The following DLGAP1 variants were observed in gnomAD, a reference collection of about 807,000 sequenced individuals.
The protein encoded by DLGAP1 is disks large-associated protein 1.
In DLGAP1, 11 loss-of-function variants were observed where a neutral mutation model predicts 90.8. The ratio of observed to expected loss-of-function variants is 0.12; its 90% CI spans 0.08 to 0.20. The LOEUF (loss-of-function observed/expected upper bound fraction) is 0.20. DLGAP1 is among the 10% of genes least tolerant of loss of function. The pLI, the probability that DLGAP1 is intolerant of heterozygous loss-of-function variation, is 1.00. For missense variants in DLGAP1, 1,050 were observed against 1,333.8 expected (o/e 0.79, Z 3.31); for synonymous variants, 558 against 540.7 (o/e 1.03, Z -0.44).
At chr18:4,184,936 A>T (rs1377622550) in intron 1 of DLGAP1, among the ~76,000 whole-genome samples, 3 of 151,600 alleles carry the variant, frequency 2.0e-5, no homozygotes, top group Non-Finnish European at 4.4e-5. Flanking sequence ...CTACTCCCTG[A>T]CTCCTTTGAT....
At chr18:3,689,717 C>T (rs2060827031) in intron 7 of DLGAP1, among the ~76,000 whole-genome samples, 1 of 151,934 alleles carries the variant, frequency 6.6e-6, no homozygotes, top group Non-Finnish European at 1.5e-5. Flanking sequence ...AAGTATCTCC[C>T]AAATTGTATG....
intron 7 of DLGAP1, among the ~76,000 whole-genome samples, chr18:3,685,701 G>A (rs1049412083): frequency 1.3e-5 from 2 of 151,780 alleles, no homozygotes; most frequent in Non-Finnish European, 2.9e-5. Flanking sequence ...TCCTGCATTG[G>A]CTCCCCAAAG....
chr18:3,607,691 C>CT (rs1171983023), intron 7 of DLGAP1: 3 of 152,188 alleles, frequency 2.0e-5, no homozygotes, highest in Admixed American at 6.5e-5. Flanking sequence ...ACATACCATC[C>CT]TTTTGCATGC....
At chr18:4,109,339 G>T (rs149416822) in intron 2 of DLGAP1, among the ~76,000 whole-genome samples, 1 of 152,000 alleles carries the variant, frequency 6.6e-6, no homozygotes. Context: ...ACATAATTAA[G>T]GGAGTGATAT....
chr18:3,800,833 A>G (rs1308126916), intron 5 of DLGAP1, among the ~76,000 whole-genome samples: 1 of 152,206 alleles, frequency 6.6e-6, no homozygotes, highest in African/African-American at 2.4e-5. Context: ...AGCAAGACAA[A>G]ATAATAGCAG....
chr18:4,328,247 G>A (rs1016092003), intron 1 of DLGAP1, among the ~76,000 whole-genome samples: 3 of 151,818 alleles, frequency 2.0e-5, no homozygotes, highest in African/African-American at 7.3e-5. Context: ...TTTAAGCTGT[G>A]TTTTGTCAGT....
intron 5 of DLGAP1, among the ~76,000 whole-genome samples, chr18:3,772,567 T>C (rs2064732343): frequency 6.6e-6 from 1 of 150,950 alleles, no homozygotes; most frequent in Non-Finnish European, 1.5e-5. Flanking sequence ...CGTCTTTTAA[T>C]ATATTTAGGA....
intron 1 of DLGAP1, among the ~76,000 whole-genome samples, chr18:4,397,367 T>C (rs1465135262): frequency 6.6e-6 from 1 of 152,200 alleles, no homozygotes; most frequent in Non-Finnish European, 1.5e-5. Context: ...AATAGATCAT[T>C]TTAAATTAGT....
intron 3 of DLGAP1, among the ~76,000 whole-genome samples, chr18:3,995,002 T>G (rs908927924): frequency 3.9e-5 from 6 of 152,218 alleles, no homozygotes; most frequent in Non-Finnish European, 8.8e-5. Flanking sequence ...CATCATACAT[T>G]AAGTATCTAT....
chr18:3,567,537 T>C lies in DLGAP1; in HGVS notation c.2010A>G (p.Ala670=), dbSNP rs745731417. The part of the protein sequence containing the change: ...EEPDKTGENK[A]PSKFQSVGVQ... ...CTCCCACGGACTGGAACTTACTGGG[T>C]GCTTTATTCTCCCCTGTTTTGTCAG... is the stretch of plus-strand genomic sequence containing the variant. The change falls in exon 9 of 13, where the codon GCA becomes GCG. Residue 670 remains alanine (A), a synonymous_variant. Transcript: ENST00000315677. 8.1e-6 allele frequency: 13 copies of C among 1,613,952 alleles called. No homozygotes were observed. Among genetic ancestry groups the C allele is most frequent in the South Asian group, 1.1e-5 (1 of 91,086 alleles).
chr18:3,894,845 T>C (rs929432779), intron 3 of DLGAP1: 1 of 152,232 alleles, frequency 6.6e-6, no homozygotes, highest in African/African-American at 2.4e-5. Flanking sequence ...CTACCTCTGA[T>C]ATGATCTTTG....
chr18:4,160,024 T>C (rs2076818892), intron 1 of DLGAP1, among the ~76,000 whole-genome samples: 2 of 152,244 alleles, frequency 1.3e-5, no homozygotes, highest in Admixed American at 6.5e-5. Flanking sequence ...AGAAAGTGCG[T>C]AATGACTCAT....
chr18:3,638,398 C>T (rs2146280907), intron 7 of DLGAP1, among the ~76,000 whole-genome samples: 1 of 152,194 alleles, frequency 6.6e-6, no homozygotes, highest in South Asian at 2.1e-4. Flanking sequence ...TGGACTTGTA[C>T]CGCCATGCCT....
chr18:3,572,214 A>C (rs2054848361), intron 8 of DLGAP1, among the ~76,000 whole-genome samples: 2 of 151,188 alleles, frequency 1.3e-5, no homozygotes, highest in Non-Finnish European at 2.9e-5. Flanking sequence ...GGTTTCCGCT[A>C]GAATTTTAAA....
chr18:3,677,148 T>C (rs753038829), intron 7 of DLGAP1, among the ~76,000 whole-genome samples: 1 of 152,186 alleles, frequency 6.6e-6, no homozygotes. Context: ...TTTCCCCAGC[T>C]TCAAGACTCT....
rs1343564847 is a variant in DLGAP1 at position 3,880,071 on chromosome 18, CGGACCGGAAGCAGCCGCCAGGGTCAT to C, written c.-29_-4del. The C allele has an allele frequency of 2.6e-5, 41 of 1,598,764 alleles. No homozygotes were observed. Among genetic ancestry groups the C allele is most frequent in the Non-Finnish European group, 3.4e-5 (40 of 1,179,546 alleles). ...CGGCTGCCTGATAGCCCTTTCATGGCGGACCGGAAGCAGCCGCCAGGGTCATGGACACCCGGAAGTCAGGCTCCAGA... is the reference window on the plus strand; with the variant it reads ...CGGCTGCCTGATAGCCCTTTCATGGCGGACACCCGGAAGTCAGGCTCCAGA... On this transcript the variant is annotated 5_prime_UTR_variant, in exon 4 of 13. An upstream start codon of the reference 5' UTR is lost. Coordinates refer to ENST00000315677, the MANE Select transcript of DLGAP1 (RefSeq NM_004746.4).
chr18:4,200,385 A>G (rs778942803), intron 1 of DLGAP1, among the ~76,000 whole-genome samples: 1 of 151,680 alleles, frequency 6.6e-6, no homozygotes, highest in Non-Finnish European at 1.5e-5. Context: ...ATTATTTTCT[A>G]TTTTATTTTC....
chr18:3,589,178 A>T (rs1390073343), intron 7 of DLGAP1, among the ~76,000 whole-genome samples: 1 of 152,004 alleles, frequency 6.6e-6, no homozygotes, highest in African/African-American at 2.4e-5. Flanking sequence ...ACAGAATGAA[A>T]CTCCGTCTGA....
intron 10 of DLGAP1, among the ~76,000 whole-genome samples, chr18:3,530,068 A>T (rs2051891561): frequency 6.6e-6 from 1 of 152,224 alleles, no homozygotes; most frequent in Admixed American, 6.5e-5. Context: ...TGAAAGGCCC[A>T]TTAAAAGAAA....
Sources: gnomAD v4.1 joint callset for allele counts (sites outside exome capture counted in the v4.1 genomes callset) on GRCh38, gnomAD v4.1.1 for gene constraint, MANE v1.5 for transcripts, NCBI Gene and HGNC (gene_info 2026-07-23, HGNC 2026-07-21) for gene names.